Variants in MATN3 observed in about 807,000 individuals in gnomAD.
MATN3 encodes matrilin-3.
A neutral mutation model predicts 45.3 loss-of-function variants in MATN3; 48 were observed. The observed-to-expected ratio is 1.06, with a 90% CI of 0.84 to 1.35. The LOEUF is 1.35. Among genes scored for constraint, MATN3 ranks in the 40% most tolerant of loss-of-function variants. The pLI is 0.00. For missense variants in MATN3, 599 were observed against 628.0 expected (o/e 0.95, Z 0.49); for synonymous variants, 217 against 245.9 (o/e 0.88, Z 1.10).
Position 19,997,192 on chromosome 2 carries a change from G to C in MATN3, c.1236C>G (p.Ser412=). ...AGCCAGGATAGCAATCACAGTGGTA[G>C]GATGCGGCCCCATCACTCACACAAA... ...QHICVSDGAA[S]YHCDCYPGYT... Residue 412 remains serine, a synonymous_variant, in exon 6 of 8, where the codon TCC becomes TCG. Coordinates refer to ENST00000407540, the MANE Select transcript of MATN3 (RefSeq NM_002381.5). 6.2e-7 allele frequency: 1 copy of C among 1,613,894 alleles called. No homozygotes were observed. Among genetic ancestry groups the C allele is most frequent in the Non-Finnish European group, 8.5e-7 (1 of 1,179,824 alleles).
chr2:20,004,293 C>T (rs11096633), intron 2 of MATN3: 36,833 of 152,156 alleles, frequency 0.24, 5,060 homozygotes, highest in East Asian at 0.62. Context: ...AAAAGATTGC[C>T]ACTCACCACT....
At chr2:20,006,511 G>A (rs1205733697) in intron 1 of MATN3, among the ~76,000 whole-genome samples, 2 of 152,200 alleles carry the variant, frequency 1.3e-5, no homozygotes, top group Non-Finnish European at 2.9e-5. Flanking sequence ...TTCACCTGGA[G>A]GTGTGAAGTT....
chr2:20,009,334 A>G (rs11684041), intron 1 of MATN3, among the ~76,000 whole-genome samples: 9,360 of 151,436 alleles, frequency 0.062, 284 homozygotes, highest in Non-Finnish European at 0.073. Context: ...TTGCAGGGAC[A>G]TGGATGAAGC....
chr2:19,995,989 T>TC lies in MATN3; in HGVS notation c.1294+1144dup, dbSNP rs1329514902. Among the ~76,000 whole-genome samples, 2 of 152,200 alleles carry TC rather than the reference T, an allele frequency of 1.3e-5. No individual in the cohort carries two copies. The highest frequency in any genetic ancestry group is 2.9e-5 in the Non-Finnish European group (2 of 68,038). On this transcript the variant is annotated intron_variant, in intron 6 of 7. Coordinates refer to ENST00000407540, the MANE Select transcript of MATN3 (RefSeq NM_002381.5). This position sits in a 1 kb window ranked among gnomAD's most constrained non-coding sequence, Gnocchi z 4.2. ...GTATCTATTGAAGATCAACTACATG[T>TC]CCATTATCCCTGTACCCATAAGATG...
chr2:20,010,067 T>TAAAAAAAAAAAGAAAAAAAAAAA (rs1673189018), intron 1 of MATN3, among the ~76,000 whole-genome samples: 1 of 68,706 alleles, frequency 1.5e-5, no homozygotes, highest in Admixed American at 1.8e-4. Flanking sequence ...CTTCAAATAC[T>TAAAAAAAAAAAGAAAAAAAAAAA]AAAAAAAAAA....
rs1195822647 is a variant in MATN3 at position 19,995,200 on chromosome 2, C to T, written c.1295-791G>A. Among the ~76,000 whole-genome samples the T allele has an allele frequency of 6.6e-6, 1 of 152,180 alleles. No individual in the cohort carries two copies. The highest frequency in any genetic ancestry group is 2.4e-5 in the African/African-American group (1 of 41,444). On this transcript the variant is annotated intron_variant, in intron 6 of 7. Coordinates refer to ENST00000407540, the MANE Select transcript of MATN3 (RefSeq NM_002381.5). This position sits in a 1 kb window ranked among gnomAD's most constrained non-coding sequence, Gnocchi z 4.2. ...AGGCGCAGTGGCTCACACCTGTAATCCCAGGACTTTGGGAGGCCAAGGTGG... is the reference window on the plus strand; with the variant it reads ...AGGCGCAGTGGCTCACACCTGTAATTCCAGGACTTTGGGAGGCCAAGGTGG...
At chr2:19,999,682 G>A (rs114633396) in intron 5 of MATN3, among the ~76,000 whole-genome samples, 54 of 145,200 alleles carry the variant, frequency 3.7e-4, no homozygotes, top group African/African-American at 1.3e-3. Context: ...ATTTCCCTTT[G>A]TCTATCTTGA....
chr2:20,007,138 A>G (rs1147109), intron 1 of MATN3, among the ~76,000 whole-genome samples: 146,040 of 152,212 alleles, frequency 0.96, 70,169 homozygotes, highest in East Asian at 1. Context: ...AACCTGGGAG[A>G]CAGAGCTTGC....
chr2:20,006,753 C>T (rs1572386266), intron 1 of MATN3, among the ~76,000 whole-genome samples: 1 of 152,226 alleles, frequency 6.6e-6, no homozygotes, highest in South Asian at 2.1e-4. Context: ...TGTGCCCAAG[C>T]CTCAGGCAAT....
rs1297062281 is a variant in MATN3, at chr2:19,992,112, A to C, written c.*999T>G. ...TGAGTCATCAAAAATAGACATGATA[A>C]TATGTAAAGGTAATAACTTTTATTA... On this transcript the variant is annotated 3_prime_UTR_variant, in exon 8 of 8. Coordinates refer to ENST00000407540, the MANE Select transcript of MATN3 (RefSeq NM_002381.5). 6.6e-6 allele frequency: 1 copy of C among 152,176 alleles called. No individual in the cohort carries two copies. Among genetic ancestry groups the C allele is most frequent in the Non-Finnish European group, 1.5e-5 (1 of 68,010 alleles). 9.4% of individuals were successfully genotyped at this position (152,176 alleles called of 1,614,324 possible). A position where few individuals can be genotyped will look rare whatever the true frequency, so the allele number is the denominator to read the frequency against.
At chr2:20,001,821 T>A in intron 4 of MATN3, 134 bp downstream of exon 4, 2 of 799,910 alleles carry the variant, frequency 2.5e-6, no homozygotes, top group Non-Finnish European at 4.0e-6. Flanking sequence ...GGATAAGACT[T>A]AAAAATGGGA....
chr2:19,993,810 T>C (rs997113717), intron 7 of MATN3, among the ~76,000 whole-genome samples: 6 of 152,220 alleles, frequency 3.9e-5, no homozygotes, highest in Non-Finnish European at 8.8e-5. Context: ...TTTTCCCTAG[T>C]TACTCCTTTG....
At chr2:19,999,732 C>T (rs1264461893) in intron 5 of MATN3, among the ~76,000 whole-genome samples, 1 of 150,890 alleles carries the variant, frequency 6.6e-6, no homozygotes, top group Admixed American at 6.6e-5. Context: ...AAATATATGT[C>T]AAATCTAAAA....
intron 2 of MATN3, among the ~76,000 whole-genome samples, chr2:20,005,335 T>C (rs1673074098): frequency 6.6e-6 from 1 of 152,082 alleles, no homozygotes; most frequent in African/African-American, 2.4e-5. Flanking sequence ...TTCTGTTAGA[T>C]CTAGAGATGG....
chr2:20,006,403 C>CA (rs1262225641), intron 1 of MATN3, 93 bp from the exon 2 acceptor site: 2 of 971,406 alleles, frequency 2.1e-6, no homozygotes, highest in African/African-American at 3.3e-5. Flanking sequence ...CCAGGCAAGG[C>CA]AGCATCTCCT....
At chr2:20,001,862 A>G (rs1182412537) in intron 4 of MATN3, 93 bp downstream of exon 4, 19 of 1,281,922 alleles carry the variant, frequency 1.5e-5, no homozygotes, top group Admixed American at 2.2e-5. Flanking sequence ...AGGAAAACAC[A>G]CCAACTTCCC....
intron 7 of MATN3, 71 bp downstream of exon 7, chr2:19,994,228 A>C (rs1172338244): frequency 2.2e-6 from 2 of 913,506 alleles, no homozygotes; most frequent in Non-Finnish European, 3.5e-6. Context: ...GGAATGTCTT[A>C]AAGTGTTTGG....
chr2:20,008,157 T>A (rs1362336698), intron 1 of MATN3, among the ~76,000 whole-genome samples: 3 of 152,140 alleles, frequency 2.0e-5, no homozygotes, highest in African/African-American at 7.2e-5. Context: ...GAGACGGGGT[T>A]TCACTATGTT....
In MATN3 at chr2:20,000,555, A is replaced by G. The variant is rs1411004598; in HGVS notation, c.1054T>C (p.Cys352Arg). The G allele has an allele frequency of 1.9e-6, 3 of 1,608,908 alleles. No individual in the cohort carries two copies. Among genetic ancestry groups the G allele is most frequent in the African/African-American group, 1.3e-5 (1 of 74,816 alleles). The change falls in exon 5 of 8, where the codon TGT becomes CGT. Residue 352 changes from cysteine (C) to arginine (R), a missense_variant. Coordinates refer to ENST00000407540, the MANE Select transcript of MATN3 (RefSeq NM_002381.5). ...DRKTCSAQDK[C>R]ALGTHGCQHI... ...TGACACCCATGGGTACCCAAAGCAC[A>G]TTTATCTTGAGCTGTGAAACAAAAA...
Sources: gnomAD v4.1 joint callset for allele counts (sites outside exome capture counted in the v4.1 genomes callset) on GRCh38, gnomAD v4.1.1 for gene constraint, Gnocchi (gnomAD v3.1) non-coding constraint, MANE v1.5 for transcripts, NCBI Gene and HGNC (gene_info 2026-07-23, HGNC 2026-07-21) for gene names.